Variants in ZFYVE9 observed in about 807,000 individuals in gnomAD.
The protein encoded by ZFYVE9 is zinc finger FYVE-type containing 9, also known as zinc finger FYVE domain-containing protein 9.
Under a neutral mutation model 126.7 loss-of-function variants are expected in ZFYVE9, and 43 were observed. That is an observed-to-expected ratio of 0.34 (90% confidence interval 0.27 to 0.44). ZFYVE9 has a LOEUF of 0.44. ZFYVE9 is among the 20% of genes least tolerant of loss of function. ZFYVE9 has a pLI of 1.00. For synonymous variants in ZFYVE9, 521 were observed against 597.4 expected (o/e 0.87, Z 1.87); for missense variants, 1,476 against 1,697.0 (o/e 0.87, Z 2.29).
chr1:52,214,577 A>G (rs959485914), intron 1 of ZFYVE9, among the ~76,000 whole-genome samples: 11 of 152,234 alleles, frequency 7.2e-5, no homozygotes, highest in Admixed American at 6.5e-4. Flanking sequence ...AGGCTTTGCC[A>G]GCTGAGACTG....
chr1:52,224,399 A>T (rs1645151244), intron 2 of ZFYVE9, among the ~76,000 whole-genome samples: 1 of 152,164 alleles, frequency 6.6e-6, no homozygotes, highest in Non-Finnish European at 1.5e-5. Flanking sequence ...GCATCTTTAG[A>T]TACAGAATTT....
chr1:52,327,832 C>T (rs996884635), intron 13 of ZFYVE9, among the ~76,000 whole-genome samples: 5 of 150,298 alleles, frequency 3.3e-5, no homozygotes, highest in East Asian at 2.0e-4. Flanking sequence ...AGAATTAGCC[C>T]GGGTGGTGGC....
chr1:52,324,671 C>A (rs578213695), intron 13 of ZFYVE9, among the ~76,000 whole-genome samples: 8 of 152,266 alleles, frequency 5.3e-5, no homozygotes, highest in African/African-American at 1.7e-4. Context: ...GGTGTGAATC[C>A]TGTCCTCTGA....
intron 1 of ZFYVE9, among the ~76,000 whole-genome samples, chr1:52,214,441 A>G (rs949636950): frequency 2.0e-5 from 3 of 152,136 alleles, no homozygotes; most frequent in Non-Finnish European, 2.9e-5. Flanking sequence ...ATAATGAAAT[A>G]AAATAAAATA....
intron 4 of ZFYVE9, among the ~76,000 whole-genome samples, chr1:52,256,500 C>T (rs1372667744): frequency 6.6e-6 from 1 of 152,128 alleles, no homozygotes; most frequent in Non-Finnish European, 1.5e-5. Flanking sequence ...GCCTCAGCCT[C>T]TCAAGTAGCT....
At chr1:52,226,035 G>A (rs777283600) in intron 2 of ZFYVE9, among the ~76,000 whole-genome samples, 92 of 152,312 alleles carry the variant, frequency 6.0e-4, no homozygotes, top group Non-Finnish European at 8.1e-4. Context: ...AGCTTGAGGA[G>A]GCGGTGTCTG....
intron 4 of ZFYVE9, among the ~76,000 whole-genome samples, chr1:52,255,855 A>G (rs1315051199): frequency 2.0e-5 from 3 of 151,758 alleles, no homozygotes. Context: ...ACTCTGACTC[A>G]AAAAAAATTT....
chr1:52,151,113 A>G (rs1218709758), intron 1 of ZFYVE9, among the ~76,000 whole-genome samples: 1 of 152,014 alleles, frequency 6.6e-6, no homozygotes, highest in Non-Finnish European at 1.5e-5. Context: ...AACCTGGCAT[A>G]CAGCCTTCAT....
Position 52,315,514 on chromosome 1 carries a change from G to A in ZFYVE9, c.3438+11589G>A, listed in dbSNP as rs149223332. ...CAAAAATGTAGAACGGTAACAAAAA[G>A]GCCAGGGAAGAGGATATGGAAGTAT... On this transcript the variant is annotated intron_variant, in intron 13 of 18. Coordinates refer to ENST00000287727, the MANE Select transcript of ZFYVE9 (RefSeq NM_004799.4). Among the ~76,000 whole-genome samples, 358 of 152,200 alleles carry A rather than the reference G, an allele frequency of 2.4e-3. 8 individuals are homozygous for A. Among genetic ancestry groups the A allele is most frequent in the African/African-American group, 8.5e-3 (351 of 41,532 alleles).
At chr1:52,320,187 C>T (rs1264548080) in intron 13 of ZFYVE9, among the ~76,000 whole-genome samples, 1 of 151,846 alleles carries the variant, frequency 6.6e-6, no homozygotes, top group Non-Finnish European at 1.5e-5. Context: ...TCTCCTGCCT[C>T]ATCCTCCCGA....
intron 1 of ZFYVE9, among the ~76,000 whole-genome samples, chr1:52,149,802 T>G (rs1346290008): frequency 6.6e-6 from 1 of 152,212 alleles, no homozygotes; most frequent in African/African-American, 2.4e-5. Flanking sequence ...GTAGTGGTGA[T>G]TTTAAGCTGA....
intron 4 of ZFYVE9, chr1:52,253,982 A>G (rs1226090259): frequency 1.2e-6 from 1 of 801,838 alleles, no homozygotes; most frequent in African/African-American, 1.7e-5. Context: ...GGCTGGATTC[A>G]TATTCCCTTA....
intron 1 of ZFYVE9, among the ~76,000 whole-genome samples, chr1:52,154,737 A>G (rs1399692842): frequency 6.6e-6 from 1 of 152,166 alleles, no homozygotes; most frequent in Non-Finnish European, 1.5e-5. Context: ...TTCTTTCTGC[A>G]TAAAATTCAT....
At chr1:52,153,707 G>A (rs1007761924) in intron 1 of ZFYVE9, among the ~76,000 whole-genome samples, 4 of 152,240 alleles carry the variant, frequency 2.6e-5, no homozygotes, top group African/African-American at 9.6e-5. Flanking sequence ...GGCTGCAGCT[G>A]TAAATTGTAG....
intron 13 of ZFYVE9, among the ~76,000 whole-genome samples, chr1:52,321,085 G>A (rs1355160772): frequency 4.6e-5 from 7 of 152,098 alleles, no homozygotes; most frequent in Non-Finnish European, 1.0e-4. Context: ...TCATGTATTT[G>A]TACAATTCTC....
intron 4 of ZFYVE9, 34 bp downstream of exon 4, chr1:52,239,629 T>C: frequency 6.3e-7 from 1 of 1,580,050 alleles, no homozygotes; most frequent in Non-Finnish European, 8.6e-7. Flanking sequence ...AAATCGGGCA[T>C]GCACATTTTG....
chr1:52,170,701 A>G lies in ZFYVE9; in HGVS notation c.-143+28298A>G, dbSNP rs75122942. On this transcript the variant is annotated intron_variant, in intron 1 of 18. Transcript: ENST00000287727. Reference sequence around the variant, plus strand: ...TTTCCATTATTATTTGTTTCAATAAAATGTTCAATTTCCTTACTGGCCATT... The same window carrying G: ...TTTCCATTATTATTTGTTTCAATAAGATGTTCAATTTCCTTACTGGCCATT... Among the ~76,000 whole-genome samples, 923 of 152,230 alleles carry G rather than the reference A, an allele frequency of 6.1e-3. 6 individuals carry two copies. The highest frequency in any genetic ancestry group is 0.021 in the African/African-American group (881 of 41,538).
At chr1:52,210,238 G>A (rs1557459016) in intron 1 of ZFYVE9, among the ~76,000 whole-genome samples, 1 of 152,172 alleles carries the variant, frequency 6.6e-6, no homozygotes, top group South Asian at 2.1e-4. Flanking sequence ...TATATAAGTA[G>A]TAAAATGGCA....
In ZFYVE9 at chr1:52,149,065, A is replaced by G. The variant is rs796863231; in HGVS notation, c.-143+6662A>G. On this transcript the variant is annotated intron_variant, in intron 1 of 18. Transcript: ENST00000287727. ...CTGTAACCTCCACCTCCCAGTTCAA[A>G]CAATTCTCCTGACCCAGCCTCTCGA... Among the ~76,000 whole-genome samples, 14 of 147,168 alleles carry G rather than the reference A, an allele frequency of 9.5e-5. 1 individual carries two copies. The highest frequency in any genetic ancestry group is 3.3e-4 in the African/African-American group (13 of 39,848).
Sources: gnomAD v4.1 joint callset for allele counts (sites outside exome capture counted in the v4.1 genomes callset) on GRCh38, gnomAD v4.1.1 for gene constraint, MANE v1.5 for transcripts, NCBI Gene and HGNC (gene_info 2026-07-23, HGNC 2026-07-21) for gene names.